Variants in SLC4A10 observed in about 807,000 individuals in gnomAD.
The protein encoded by SLC4A10 is solute carrier family 4 member 10.
A neutral mutation model predicts 137.7 loss-of-function variants in SLC4A10; 42 were observed. The observed-to-expected ratio is 0.30, with a 90% CI of 0.24 to 0.39. The LOEUF is 0.39. Ranked by LOEUF, SLC4A10 falls within the 10% of genes least tolerant of loss-of-function variation. SLC4A10 has a pLI of 1.00. For synonymous variants in SLC4A10, 474 were observed against 464.1 expected, an observed-to-expected ratio of 1.02 and a Z score of -0.27; for missense variants, 925 against 1,355.0, an observed-to-expected ratio of 0.68 and a Z score of 4.98.
At chr2:161,945,218 A>G (rs1290095108) in intron 16 of SLC4A10, among the ~76,000 whole-genome samples, 3 of 92,188 alleles carry the variant, frequency 3.3e-5, no homozygotes, top group East Asian at 2.3e-4. Flanking sequence ...ATATATATAT[A>G]TATATATATA....
intron 3 of SLC4A10, among the ~76,000 whole-genome samples, chr2:161,836,684 T>A (rs765931488): frequency 6.7e-5 from 10 of 148,678 alleles, no homozygotes; most frequent in Non-Finnish European, 1.3e-4. Context: ...ACTTACACAT[T>A]GAAGAAGCTC....
In SLC4A10 at chr2:161,983,536, G is replaced by A; in HGVS notation, c.*384G>A. 3.5e-6 allele frequency: 1 copy of A among 283,790 alleles called. No homozygotes were observed. Among genetic ancestry groups the A allele is most frequent in the Non-Finnish European group, 6.5e-6 (1 of 154,184 alleles). 17.6% of individuals were successfully genotyped at this position (283,790 alleles called of 1,614,324 possible). A position where few individuals can be genotyped will look rare whatever the true frequency, so the allele number is the denominator to read the frequency against. On this transcript the variant is annotated 3_prime_UTR_variant, in exon 27 of 27. Transcript: ENST00000446997. ...ATGAGAGCAATAGCTTCCTTAAAGA[G>A]ATAAGTCATATTTACCTAGTTTGTA...
At position 161,768,330 on chromosome 2, in the gene SLC4A10, G is replaced by A. The variant is rs574564642; in HGVS notation, c.49-2643G>A. 5.9e-5 allele frequency among the ~76,000 whole-genome samples: 9 copies of A among 152,046 alleles called. No homozygotes were observed. The East Asian group carries it at 1.4e-3, about 23-fold the overall frequency. Reference sequence around the variant, plus strand: ...CCTGAGTGACATTTTCAGTCTGTTCGGAATAGTGTCAGTTCAGAGACAGTG... The same window carrying A: ...CCTGAGTGACATTTTCAGTCTGTTCAGAATAGTGTCAGTTCAGAGACAGTG... On this transcript the variant is annotated intron_variant, in intron 1 of 26. Coordinates refer to ENST00000446997, the MANE Select transcript of SLC4A10 (RefSeq NM_001178015.2).
intron 10 of SLC4A10, 127 bp from the exon 11 acceptor site, chr2:161,894,552 A>T (rs2063251479): frequency 7.7e-6 from 3 of 388,204 alleles, no homozygotes; most frequent in Non-Finnish European, 1.3e-5. Context: ...ACTTCTTTAG[A>T]GTCAGAGCTG....
intron 1 of SLC4A10, among the ~76,000 whole-genome samples, chr2:161,713,988 T>C (rs1303928497): frequency 1.3e-5 from 2 of 148,538 alleles, no homozygotes; most frequent in Non-Finnish European, 3.0e-5. Context: ...TTGGAACTTA[T>C]TACTCTCAGT....
At chr2:161,950,546 T>C in intron 18 of SLC4A10, 141 bp from the exon 19 acceptor site, 1 of 669,768 alleles carries the variant, frequency 1.5e-6, no homozygotes, top group Non-Finnish European at 2.4e-6. Context: ...AAGTGATTTA[T>C]GAGTATTATT....
At chr2:161,638,694 C>A (rs2034821426) in intron 1 of SLC4A10, among the ~76,000 whole-genome samples, 1 of 151,944 alleles carries the variant, frequency 6.6e-6, no homozygotes, top group Non-Finnish European at 1.5e-5. Flanking sequence ...TACATTAATT[C>A]TGTAGATTGC....
chr2:161,873,808 T>C, intron 7 of SLC4A10, 108 bp from the exon 8 acceptor site: 2 of 1,108,900 alleles, frequency 1.8e-6, no homozygotes, highest in African/African-American at 1.6e-5. Flanking sequence ...CCTCTGACAA[T>C]GCCTAAATAA....
At chr2:161,670,319 A>G (rs1294389904) in intron 1 of SLC4A10, among the ~76,000 whole-genome samples, 1 of 136,602 alleles carries the variant, frequency 7.3e-6, no homozygotes, top group Non-Finnish European at 1.6e-5. Context: ...TTTTCCATCC[A>G]CAGGTTTTAT....
chr2:161,952,431 C>A (rs1182276126), intron 19 of SLC4A10, among the ~76,000 whole-genome samples: 2 of 152,142 alleles, frequency 1.3e-5, no homozygotes, highest in African/African-American at 4.8e-5. Flanking sequence ...TTAAGTGGTC[C>A]TTTCAAGTAC....
chr2:161,649,154 C>T (rs2036462374), intron 1 of SLC4A10, among the ~76,000 whole-genome samples: 2 of 152,172 alleles, frequency 1.3e-5, no homozygotes, highest in South Asian at 2.1e-4. Flanking sequence ...ATCCCTTTGA[C>T]TCAAGAGTTT....
Position 161,640,985 on chromosome 2 carries a change from A to G in SLC4A10, c.48+16419A>G, listed in dbSNP as rs953637133. On this transcript the variant is annotated intron_variant, in intron 1 of 26. Coordinates refer to ENST00000446997, the MANE Select transcript of SLC4A10 (RefSeq NM_001178015.2). Reference sequence around the variant, plus strand: ...CCTTGTACATTATAAGGTATAAGGTATAAGTCTCCAGCCTCATCATTACAG... The same window carrying G: ...CCTTGTACATTATAAGGTATAAGGTGTAAGTCTCCAGCCTCATCATTACAG... Among the ~76,000 whole-genome samples the G allele has an allele frequency of 5.9e-5, 9 of 152,270 alleles. No homozygotes were observed. The East Asian group carries it at 7.7e-4, about 13-fold the overall frequency.
chr2:161,980,712 A>G (rs1478776641), intron 26 of SLC4A10, among the ~76,000 whole-genome samples: 2 of 152,172 alleles, frequency 1.3e-5, no homozygotes, highest in African/African-American at 4.8e-5. Flanking sequence ...ACTTAGCATC[A>G]TGACAGTACC....
At chr2:161,682,858 A>C (rs565612351) in intron 1 of SLC4A10, among the ~76,000 whole-genome samples, 1 of 152,128 alleles carries the variant, frequency 6.6e-6, no homozygotes, top group Non-Finnish European at 1.5e-5. Context: ...CCCATAGTAC[A>C]AAAGTCATAG....
At chr2:161,737,434 T>G (rs1004489268) in intron 1 of SLC4A10, among the ~76,000 whole-genome samples, 2 of 151,934 alleles carry the variant, frequency 1.3e-5, no homozygotes, top group African/African-American at 4.8e-5. Context: ...TTTTTTTTTT[T>G]GTCATTGGGT....
At chr2:161,694,120 CAT>C (rs2042261424) in intron 1 of SLC4A10, among the ~76,000 whole-genome samples, 1 of 151,892 alleles carries the variant, frequency 6.6e-6, no homozygotes, top group South Asian at 2.1e-4. Flanking sequence ...TTTTTGAGAA[CAT>C]GTGTGACTTT....
intron 1 of SLC4A10, among the ~76,000 whole-genome samples, chr2:161,718,687 C>T (rs2045243822): frequency 1.3e-5 from 2 of 152,100 alleles, no homozygotes; most frequent in Admixed American, 1.3e-4. Context: ...AGTTCTTTTG[C>T]ATTTGCTGAA....
At chr2:161,849,991 T>G (rs1055538236) in intron 4 of SLC4A10, among the ~76,000 whole-genome samples, 1 of 151,192 alleles carries the variant, frequency 6.6e-6, no homozygotes, top group African/African-American at 2.4e-5. Flanking sequence ...TCTGGTAGAA[T>G]TTGGCTGTGA....
chr2:161,946,413 G>T (rs1693810816), intron 16 of SLC4A10, among the ~76,000 whole-genome samples: 1 of 151,804 alleles, frequency 6.6e-6, no homozygotes, highest in Admixed American at 6.6e-5. Context: ...TTTACTTTTT[G>T]CTCTACAAAG....
Sources: allele counts gnomAD v4.1 joint callset (sites outside exome capture counted in the v4.1 genomes callset), GRCh38; gene constraint gnomAD v4.1.1; transcripts MANE v1.5; gene names NCBI Gene and HGNC (gene_info 2026-07-23, HGNC 2026-07-21).